The following ACACA variants were observed in gnomAD, a reference collection of about 807,000 sequenced individuals.
ACACA encodes the protein acetyl-CoA carboxylase alpha, also known as acetyl-CoA carboxylase 1.
Under a neutral mutation model 296.1 loss-of-function variants are expected in ACACA, and 103 were observed. The observed-to-expected ratio is 0.35, with a 90% CI of 0.30 to 0.41. ACACA has a LOEUF of 0.41. Ranked by LOEUF, ACACA falls within the 10% of genes least tolerant of loss-of-function variation. ACACA has a pLI of 1.00. For missense variants in ACACA, 1,554 were observed against 2,989.7 expected, an observed-to-expected ratio of 0.52 and a Z score of 11.20; for synonymous variants, 953 against 1,038.6, an observed-to-expected ratio of 0.92 and a Z score of 1.58.
At chr17:37,268,717 C>CTATA (rs1282437740) in intron 10 of ACACA, among the ~76,000 whole-genome samples, 1 of 108,636 alleles carries the variant, frequency 9.2e-6, no homozygotes, top group African/African-American at 3.7e-5. Context: ...ATATCTATAT[C>CTATA]TATCTATCTA....
intron 1 of ACACA, among the ~76,000 whole-genome samples, chr17:37,347,149 C>T (rs1407305481): frequency 1.3e-5 from 2 of 152,036 alleles, no homozygotes; most frequent in Non-Finnish European, 2.9e-5. Flanking sequence ...ATGCTGTTCT[C>T]GTGTTAGTGA....
At chr17:37,284,119 C>G (rs1347695415) in intron 4 of ACACA, among the ~76,000 whole-genome samples, 3 of 152,180 alleles carry the variant, frequency 2.0e-5, no homozygotes, top group Non-Finnish European at 4.4e-5. Context: ...ATCTTTTAAT[C>G]ACTGGAAGCT....
intron 1 of ACACA, among the ~76,000 whole-genome samples, chr17:37,351,252 A>C (rs1303808270): frequency 3.3e-5 from 5 of 152,186 alleles, no homozygotes; most frequent in Non-Finnish European, 2.9e-5. Flanking sequence ...ACCTGATGTC[A>C]GGGGTTCAAG....
chr17:37,129,429 G>T lies in ACACA; in HGVS notation c.5880C>A (p.Ile1960=), dbSNP rs751231625. ...ATGGGGTCTTTGTGGGAACAAACTC[G>T]ATGATTCTGTCTATAGGATCCTTTG... ...LNSKDPIDRI[I]EFVPTKTPYD... The change falls in exon 47 of 56, where the codon ATC becomes ATA. Residue 1960 remains isoleucine, a synonymous_variant. Transcript: ENST00000616317. 1.2e-6 allele frequency: 2 copies of T among 1,613,908 alleles called. No individual in the cohort carries two copies. The highest frequency in any genetic ancestry group is 1.7e-6 in the Non-Finnish European group (2 of 1,179,948).
intron 33 of ACACA, among the ~76,000 whole-genome samples, chr17:37,204,398 T>C (rs968074621): frequency 1.3e-5 from 2 of 152,218 alleles, no homozygotes; most frequent in Non-Finnish European, 2.9e-5. Context: ...TCTATCATCT[T>C]CTAGCTGGTG....
intron 1 of ACACA, among the ~76,000 whole-genome samples, chr17:37,405,399 C>G (rs2051441871): frequency 6.6e-6 from 1 of 152,198 alleles, no homozygotes; most frequent in South Asian, 2.1e-4. Context: ...AACAAGCCTA[C>G]TCACTAAACA....
intron 1 of ACACA, among the ~76,000 whole-genome samples, chr17:37,390,942 T>C (rs2050856557): frequency 6.6e-6 from 1 of 151,626 alleles, no homozygotes. Flanking sequence ...TACTAAATGA[T>C]AAAGGAATAA....
rs1179933817 is a variant in ACACA at position 37,370,404 on chromosome 17, T to A, written c.39-30554A>T. ...GCTCACGCCTGTAATCCTAGCACTT[T>A]GGGAGGCCAAGGCAGGCGGATTGCC... is the stretch of plus-strand genomic sequence containing the variant. On this transcript the variant is annotated intron_variant, in intron 1 of 55. Transcript: ENST00000616317. 8.1e-5 allele frequency among the ~76,000 whole-genome samples: 12 copies of A among 148,824 alleles called. No individual in the cohort carries two copies. The Admixed American group carries it at 8.2e-4, about 10-fold the overall frequency.
Position 37,243,395 on chromosome 17 carries a change from G to A in ACACA, c.2907C>T (p.Val969=). Residue 969 remains valine (V), a synonymous_variant, in exon 22 of 56, where the codon GTC becomes GTT. Transcript: ENST00000616317. ...MAQYASNITS[V]LCQFPSQQIA... is the part of the protein sequence containing the mutation. ...CCTGCTGGCTGGGAAACTGACAGAG[G>A]ACTGATGTGATGTTGCTAGCATACT... is the stretch of plus-strand genomic sequence containing the variant. The A allele has an allele frequency of 1.2e-6, 2 of 1,614,186 alleles. No homozygotes were observed. Among genetic ancestry groups the A allele is most frequent in the Non-Finnish European group, 1.7e-6 (2 of 1,180,014 alleles).
chr17:37,119,623 C>T (rs184786351), intron 50 of ACACA, among the ~76,000 whole-genome samples: 27 of 145,238 alleles, frequency 1.9e-4, no homozygotes, highest in East Asian at 1.6e-3. Flanking sequence ...CACACACACA[C>T]ACACACACAC....
At chr17:37,235,219 T>C (rs1052836016) in intron 24 of ACACA, 120 bp from the exon 25 acceptor site, 83 of 1,301,360 alleles carry the variant, frequency 6.4e-5, no homozygotes, top group Non-Finnish European at 8.7e-5. Flanking sequence ...TCATAAGGAT[T>C]TTCTTGGATG....
chr17:37,162,648 G>T, intron 41 of ACACA: 1 of 285,710 alleles, frequency 3.5e-6, no homozygotes, highest in South Asian at 3.4e-5. Flanking sequence ...AAGAGTACAA[G>T]GTGGTGGGTT....
chr17:37,244,470 T>TCCCACA (rs2080589473), intron 21 of ACACA, 118 bp downstream of exon 21: 1 of 1,274,814 alleles, frequency 7.8e-7, no homozygotes, highest in Admixed American at 1.7e-5. Flanking sequence ...GGTGAAAGAG[T>TCCCACA]TCTAGGCCAA....
In ACACA at chr17:37,243,456, G is replaced by C. The variant is rs371689992; in HGVS notation, c.2846C>G (p.Pro949Arg). ...CTTCTTGATAGACTTCTCCACATTG[G>C]GGGGAATGCGGCCAGACACACTGGT... is the stretch of plus-strand genomic sequence containing the variant. ...IMTSVSGRIP[P>R]NVEKSIKKEM... Residue 949 changes from proline (P) to arginine (R), a missense_variant, in exon 22 of 56, where the codon CCC becomes CGC. By Grantham distance (103) the Pro-to-Arg change is moderately radical. Coordinates refer to ENST00000616317, the MANE Select transcript of ACACA (RefSeq NM_198834.3). 58 of 1,613,940 alleles carry C rather than the reference G, an allele frequency of 3.6e-5. No individual in the cohort carries two copies. The highest frequency in any genetic ancestry group is 1.6e-4 in the Middle Eastern group (1 of 6,082).
intron 1 of ACACA, among the ~76,000 whole-genome samples, chr17:37,361,446 T>A (rs1440350992): frequency 7.2e-5 from 11 of 152,148 alleles, no homozygotes; most frequent in Non-Finnish European, 1.5e-4. Context: ...CCCCTGCATG[T>A]CCTGCTTTTG....
chr17:37,338,263 A>G (rs1263598745), intron 2 of ACACA, among the ~76,000 whole-genome samples: 5 of 151,512 alleles, frequency 3.3e-5, no homozygotes, highest in Non-Finnish European at 7.4e-5. Context: ...GCAACAAAAA[A>G]AATTTGCTGT....
chr17:37,405,855 CTT>C lies in ACACA; in HGVS notation c.38+405_38+406del, dbSNP rs3049528. Among the ~76,000 whole-genome samples, 396 of 53,508 alleles carry C rather than the reference CTT, an allele frequency of 7.4e-3. 1 individual carries two copies. Among genetic ancestry groups the C allele is most frequent in the African/African-American group, 0.025 (335 of 13,166 alleles). The allele number at this position is 53,508 out of a possible 152,430, so 35.1% of individuals were successfully genotyped here. A position where few individuals can be genotyped will look rare whatever the true frequency, so the allele number is the denominator to read the frequency against. On this transcript the variant is annotated intron_variant, in intron 1 of 55. Transcript: ENST00000616317. ...GCGTGAGCCACCGCGCCCGGCAGGG[CTT>C]TTTTTTTTTTTTTTTTTTGGAATGA...
chr17:37,322,702 C>A (rs2147137008), intron 3 of ACACA, among the ~76,000 whole-genome samples: 1 of 152,262 alleles, frequency 6.6e-6, no homozygotes, highest in East Asian at 1.9e-4. Context: ...CAGACACCAG[C>A]AGGCCAGCAG....
At position 37,151,321 on chromosome 17, in the gene ACACA, C is replaced by G; in HGVS notation, c.5548G>C (p.Glu1850Gln). ...TTTACCAGGCTGATGGTAATGATCT[C>G]ATTATAGGCCAATGAGGATTCTCCA... ...IAGESSLAYN[E>Q]IITISLVTCR... Residue 1850 changes from glutamate to glutamine, a missense_variant, in exon 44 of 56, where the codon GAG (glutamate) becomes CAG (glutamine). This residue lies in a region of ACACA where 553 missense variants were observed against 1,043.6 expected (regional missense o/e 0.53). Transcript: ENST00000616317. 1 of 1,614,048 alleles carries G rather than the reference C, an allele frequency of 6.2e-7. No homozygotes were observed. Among genetic ancestry groups the G allele is most frequent in the South Asian group, 1.1e-5 (1 of 91,088 alleles).
Sources: gnomAD v4.1 joint callset for allele counts (sites outside exome capture counted in the v4.1 genomes callset) on GRCh38, gnomAD v4.1.1 for gene constraint, gnomAD v4.1.1 regional missense constraint, MANE v1.5 for transcripts, NCBI Gene and HGNC (gene_info 2026-07-23, HGNC 2026-07-21) for gene names.